SOHLH2: variants seen among roughly 807,000 people sequenced by gnomAD.
SOHLH2 encodes the protein spermatogenesis- and oogenesis-specific basic helix-loop-helix-containing protein 2.
In SOHLH2, 22 loss-of-function variants were observed where a neutral mutation model predicts 50.4. The ratio of observed to expected loss-of-function variants is 0.44; its 90% CI spans 0.31 to 0.62. The LOEUF is 0.62. SOHLH2 is among the 20% of genes least tolerant of loss of function. SOHLH2 has a pLI of 0.08. For synonymous variants in SOHLH2, 185 were observed against 187.3 expected (o/e 0.99, Z 0.10); for missense variants, 412 against 504.4 (o/e 0.82, Z 1.76).
chr13:36,191,843 C>T lies in SOHLH2; in HGVS notation c.482G>A (p.Arg161Lys), dbSNP rs1887583194. 1.9e-6 allele frequency: 3 copies of T among 1,614,004 alleles called. No individual in the cohort carries two copies. Among genetic ancestry groups the T allele is most frequent in the Non-Finnish European group, 2.5e-6 (3 of 1,179,896 alleles). The change falls in exon 5 of 11, where the codon AGG (arginine) becomes AAG (lysine). Residue 161 changes from arginine to lysine, a missense_variant. Physicochemically the swap from Arg to Lys is conservative, Grantham distance 26 (BLOSUM62 2). Transcript: ENST00000379881. ...ATATCCCAGGTGTTCGCTGTAGGAC[C>T]TCTGCAGGGGCAATCCAAGTTCTTC... ...GPEELGLPLQ[R>K]SYSEHLGYFP... is the part of the protein sequence containing the mutation.
chr13:36,196,581 C>T (rs1887738830), intron 2 of SOHLH2, among the ~76,000 whole-genome samples: 1 of 152,110 alleles, frequency 6.6e-6, no homozygotes, highest in Non-Finnish European at 1.5e-5. Flanking sequence ...AAAAATACTG[C>T]ATAGTGGATT....
At chr13:36,205,655 C>A (rs187263736) in intron 1 of SOHLH2, among the ~76,000 whole-genome samples, 1 of 151,978 alleles carries the variant, frequency 6.6e-6, no homozygotes, top group African/African-American at 2.4e-5. Context: ...CATCTATGTT[C>A]ATAAATGAAT....
rs75620915 is a variant in SOHLH2, at chr13:36,187,081, C to G, written c.641+2865G>C. Among the ~76,000 whole-genome samples, 4 of 152,242 alleles carry G rather than the reference C, an allele frequency of 2.6e-5. No individual in the cohort carries two copies. In the East Asian group the frequency reaches 7.7e-4, roughly 29 times the overall value. On this transcript the variant is annotated intron_variant, in intron 6 of 10. Transcript: ENST00000379881. ...ATCTCTAAAGAGAAAGGGGGAGGTC[C>G]TTGTCACAGCTCTTCTTTTTGAGAA...
At chr13:36,173,449 T>C (rs771940440) in intron 9 of SOHLH2, among the ~76,000 whole-genome samples, 3 of 152,232 alleles carry the variant, frequency 2.0e-5, no homozygotes, top group South Asian at 2.1e-4. Flanking sequence ...AAGTCACCAG[T>C]GTGCTTATCA....
chr13:36,170,452 A>C, intron 10 of SOHLH2, 79 bp downstream of exon 10: 2 of 1,517,112 alleles, frequency 1.3e-6, no homozygotes, highest in South Asian at 2.6e-5. Context: ...CCAGAGTAGC[A>C]ACAACAAATG....
At position 36,184,459 on chromosome 13, in the gene SOHLH2, C is replaced by CTTTTTTTTTTTTTTTTTTT. The variant is rs764218457; in HGVS notation, c.641+5486_641+5487insAAAAAAAAAAAAAAAAAAA. 2.2e-3 allele frequency among the ~76,000 whole-genome samples: 177 copies of CTTTTTTTTTTTTTTTTTTT among 81,648 alleles called. 12 individuals are homozygous for CTTTTTTTTTTTTTTTTTTT. Among genetic ancestry groups the CTTTTTTTTTTTTTTTTTTT allele is most frequent in the African/African-American group, 8.1e-3 (165 of 20,400 alleles). The allele number at this position is 81,648 out of a possible 152,430, so 53.6% of individuals were successfully genotyped here. A position where few individuals can be genotyped will look rare whatever the true frequency, so the allele number is the denominator to read the frequency against. On this transcript the variant is annotated intron_variant, in intron 6 of 10. Transcript: ENST00000379881. ...TGATGGAAGTTTCTACCTACAAAGA[C>CTTTTTTTTTTTTTTTTTTT]CTTTTTTTTTTTTTTTTTTTGAGAC... is the stretch of plus-strand genomic sequence containing the variant.
chr13:36,185,310 T>G (rs1438166607), intron 6 of SOHLH2, among the ~76,000 whole-genome samples: 1 of 151,890 alleles, frequency 6.6e-6, no homozygotes, highest in African/African-American at 2.4e-5. Flanking sequence ...CTACTAAAAA[T>G]ACAAAAATTA....
chr13:36,186,493 T>G (rs1467442925), intron 6 of SOHLH2, among the ~76,000 whole-genome samples: 1 of 152,150 alleles, frequency 6.6e-6, no homozygotes, highest in Non-Finnish European at 1.5e-5. Context: ...AACTGCCTGT[T>G]CTACCTTTCT....
intron 2 of SOHLH2, among the ~76,000 whole-genome samples, chr13:36,200,561 G>C (rs1378695709): frequency 6.6e-6 from 1 of 152,134 alleles, no homozygotes; most frequent in African/African-American, 2.4e-5. Context: ...CAAAAAAGAG[G>C]CTTATCTTGT....
Position 36,191,911 on chromosome 13 carries a change from G to A in SOHLH2, c.431-17C>T, listed in dbSNP as rs371389544. 2.2e-5 allele frequency: 36 copies of A among 1,613,426 alleles called. No homozygotes were observed. The African/African-American group carries it at 3.7e-4, about 17-fold the overall frequency. On this transcript the variant is annotated splice_polypyrimidine_tract_variant and intron_variant, in intron 4 of 10. Coordinates refer to ENST00000379881, the MANE Select transcript of SOHLH2 (RefSeq NM_017826.3). Reference sequence around the variant, plus strand: ...CAGTCTTAACTGAAAGTTTTGAGAGGGGAACTATTTATTTCTGAAGTCACT... The same window carrying A: ...CAGTCTTAACTGAAAGTTTTGAGAGAGGAACTATTTATTTCTGAAGTCACT...
chr13:36,209,105 G>A (rs544187223), intron 1 of SOHLH2, among the ~76,000 whole-genome samples: 2 of 152,036 alleles, frequency 1.3e-5, no homozygotes, highest in African/African-American at 4.8e-5. Context: ...AAGAGATGCT[G>A]GATGTCTTAA....
intron 6 of SOHLH2, among the ~76,000 whole-genome samples, chr13:36,179,902 G>C (rs942759743): frequency 6.6e-6 from 1 of 152,094 alleles, no homozygotes; most frequent in East Asian, 1.9e-4. Context: ...TCAGGCTTAG[G>C]GTTATGTTGT....
chr13:36,197,659 C>A (rs913796376), intron 2 of SOHLH2, among the ~76,000 whole-genome samples: 1 of 152,132 alleles, frequency 6.6e-6, no homozygotes, highest in Non-Finnish European at 1.5e-5. Flanking sequence ...GGGCTAAATG[C>A]GGCCAAACTA....
chr13:36,191,754 T>C (rs1887580197), intron 5 of SOHLH2, 41 bp downstream of exon 5: 1 of 1,611,100 alleles, frequency 6.2e-7, no homozygotes, highest in Non-Finnish European at 8.5e-7. Flanking sequence ...CAATAAGTTC[T>C]CTAAAAATAT....
chr13:36,170,376 G>C (rs1886929241), intron 10 of SOHLH2, among the ~76,000 whole-genome samples, 155 bp downstream of exon 10: 1 of 152,168 alleles, frequency 6.6e-6, no homozygotes, highest in African/African-American at 2.4e-5. Context: ...TGGGTTGACT[G>C]CACCTCCTTT....
chr13:36,208,561 C>T (rs1329240131), intron 1 of SOHLH2, among the ~76,000 whole-genome samples: 1 of 152,130 alleles, frequency 6.6e-6, no homozygotes, highest in Non-Finnish European at 1.5e-5. Flanking sequence ...ACATGCCTCC[C>T]TCCACCCCAT....
rs147955545 is a variant in SOHLH2, at chr13:36,180,983, A to G, written c.642-6114T>C. Among the ~76,000 whole-genome samples the G allele has an allele frequency of 2.0e-5, 3 of 152,272 alleles. 1 individual carries two copies. Among genetic ancestry groups the G allele is most frequent in the African/African-American group, 7.2e-5 (3 of 41,572 alleles). ...AGAGAGGAGTGTTAAATCTCCAGCA[A>G]TTGTTTTAAAATTATCTATTTGTCC... is the stretch of plus-strand genomic sequence containing the variant. On this transcript the variant is annotated intron_variant, in intron 6 of 10. Coordinates refer to ENST00000379881, the MANE Select transcript of SOHLH2 (RefSeq NM_017826.3).
At chr13:36,170,491 G>A in intron 10 of SOHLH2, 40 bp downstream of exon 10, 3 of 1,591,676 alleles carry the variant, frequency 1.9e-6, no homozygotes, top group Non-Finnish European at 2.6e-6. Flanking sequence ...TGGCTGGAGT[G>A]AAAGGGTCCA....
At chr13:36,173,832 AT>A (rs1325122715) in intron 8 of SOHLH2, 22 bp from the exon 9 acceptor site, 1 of 1,613,332 alleles carries the variant, frequency 6.2e-7, no homozygotes, top group Non-Finnish European at 8.5e-7. Context: ...AGAAAAAATT[AT>A]TTGCACATTT....
Sources: allele counts gnomAD v4.1 joint callset (sites outside exome capture counted in the v4.1 genomes callset), GRCh38; gene constraint gnomAD v4.1.1; transcripts MANE v1.5; gene names NCBI Gene and HGNC (gene_info 2026-07-23, HGNC 2026-07-21).